ERC2: variants seen among roughly 807,000 people sequenced by gnomAD.
The protein encoded by ERC2 is ELKS/RAB6-interacting/CAST family member 2.
Under a neutral mutation model 114.8 loss-of-function variants are expected in ERC2, and 42 were observed. The observed-to-expected ratio is 0.37, with a 90% CI of 0.29 to 0.47. The LOEUF (loss-of-function observed/expected upper bound fraction) is 0.47. Ranked by LOEUF, ERC2 falls within the 20% of genes least tolerant of loss-of-function variation. The pLI is 0.99. For missense variants in ERC2, 939 were observed against 1,150.7 expected, an observed-to-expected ratio of 0.82 and a Z score of 2.66; for synonymous variants, 454 against 425.5, an observed-to-expected ratio of 1.07 and a Z score of -0.82.
intron 2 of ERC2, among the ~76,000 whole-genome samples, chr3:56,322,628 G>A (rs910724155): frequency 6.6e-6 from 1 of 152,192 alleles, no homozygotes; most frequent in Non-Finnish European, 1.5e-5. Context: ...TGATTCCTGA[G>A]ATGTAGAACG....
intron 14 of ERC2, among the ~76,000 whole-genome samples, chr3:55,781,970 G>A (rs550667851): frequency 6.6e-6 from 1 of 152,020 alleles, no homozygotes; most frequent in African/African-American, 2.4e-5. Context: ...TTAACTCCAC[G>A]TTGTTTCCCT....
chr3:56,103,003 A>G (rs565893384), intron 6 of ERC2, among the ~76,000 whole-genome samples: 1 of 152,314 alleles, frequency 6.6e-6, no homozygotes, highest in Non-Finnish European at 1.5e-5. Flanking sequence ...CTGGGTTAGC[A>G]GGAAGGACAA....
At chr3:56,286,733 A>G (rs1053803006) in intron 3 of ERC2, among the ~76,000 whole-genome samples, 1 of 152,058 alleles carries the variant, frequency 6.6e-6, no homozygotes, top group Non-Finnish European at 1.5e-5. Context: ...GTAATCATTT[A>G]AAAAGGTAAA....
chr3:55,801,242 T>A (rs9845696), intron 14 of ERC2, among the ~76,000 whole-genome samples: 8,214 of 152,242 alleles, frequency 0.054, 314 homozygotes, highest in African/African-American at 0.1. Flanking sequence ...AAGACGCCCA[T>A]AAACTGAGAG....
intron 3 of ERC2, among the ~76,000 whole-genome samples, chr3:56,233,913 C>A (rs891135156): frequency 6.5e-4 from 99 of 152,108 alleles, no homozygotes; most frequent in African/African-American, 2.1e-3. Context: ...TTTAAGGAAC[C>A]CTGTAATTAC....
intron 3 of ERC2, among the ~76,000 whole-genome samples, chr3:56,206,386 A>G (rs1258772588): frequency 2.0e-5 from 3 of 152,198 alleles, no homozygotes; most frequent in Non-Finnish European, 2.9e-5. Flanking sequence ...AAAACATTTC[A>G]TAAGTCAACA....
At chr3:55,913,364 C>G (rs1213641453) in intron 13 of ERC2, among the ~76,000 whole-genome samples, 1 of 151,970 alleles carries the variant, frequency 6.6e-6, no homozygotes, top group Non-Finnish European at 1.5e-5. Flanking sequence ...TAAATCATAT[C>G]TAAATATTTT....
intron 2 of ERC2, among the ~76,000 whole-genome samples, chr3:56,341,714 G>A (rs1487928515): frequency 6.6e-6 from 1 of 152,140 alleles, no homozygotes; most frequent in Non-Finnish European, 1.5e-5. Flanking sequence ...CAATTCCTGA[G>A]TCATTCATTC....
chr3:55,959,913 C>T (rs916192924), intron 12 of ERC2, among the ~76,000 whole-genome samples: 4 of 152,202 alleles, frequency 2.6e-5, no homozygotes, highest in African/African-American at 9.7e-5. Flanking sequence ...GTTCCTCTGC[C>T]ATCTGTGCCC....
At chr3:56,398,574 T>C (rs1008167023) in intron 2 of ERC2, among the ~76,000 whole-genome samples, 6 of 152,174 alleles carry the variant, frequency 3.9e-5, no homozygotes, top group Non-Finnish European at 7.3e-5. Context: ...ATATGTCATA[T>C]ATACACATAC....
At chr3:55,639,186 C>G (rs11712815) in intron 17 of ERC2, among the ~76,000 whole-genome samples, 1 of 152,152 alleles carries the variant, frequency 6.6e-6, no homozygotes, top group Non-Finnish European at 1.5e-5. Flanking sequence ...TGTCCAGAAT[C>G]TGATACTCAG....
intron 14 of ERC2, among the ~76,000 whole-genome samples, chr3:55,854,832 T>C (rs1575860926): frequency 1.3e-5 from 2 of 152,062 alleles, no homozygotes; most frequent in Admixed American, 1.3e-4. Context: ...GCCTGCATAC[T>C]GTAAACTGGG....
chr3:56,187,804 C>G lies in ERC2; in HGVS notation c.1075-14284G>C, dbSNP rs557417764. 1.2e-4 allele frequency among the ~76,000 whole-genome samples: 19 copies of G among 152,256 alleles called. No individual in the cohort carries two copies. In the East Asian group the frequency reaches 3.7e-3, roughly 29 times the overall value. On this transcript the variant is annotated intron_variant, in intron 3 of 17. Coordinates refer to ENST00000288221, the MANE Select transcript of ERC2 (RefSeq NM_015576.3). ...GGGAATTATAGGATCCATATGAGGT[C>G]TGCCTCCCAAACATGTAGTATAAAT...
chr3:56,334,591 T>G (rs925936839), intron 2 of ERC2, among the ~76,000 whole-genome samples: 2 of 152,176 alleles, frequency 1.3e-5, no homozygotes, highest in Non-Finnish European at 2.9e-5. Context: ...TAAGAAATAT[T>G]GCATAGGGAA....
intron 14 of ERC2, among the ~76,000 whole-genome samples, chr3:55,774,364 G>A (rs2068444906): frequency 6.6e-6 from 1 of 152,224 alleles, no homozygotes; most frequent in African/African-American, 2.4e-5. Context: ...AGACACTGGG[G>A]AAATGAACTT....
chr3:55,613,766 G>T (rs946266215), intron 17 of ERC2, among the ~76,000 whole-genome samples: 4 of 151,868 alleles, frequency 2.6e-5, no homozygotes, highest in Non-Finnish European at 5.9e-5. Context: ...ATCACCTGAG[G>T]GTCAGGAGTT....
At chr3:55,548,936 A>T (rs1353759361) in intron 17 of ERC2, among the ~76,000 whole-genome samples, 1 of 152,070 alleles carries the variant, frequency 6.6e-6, no homozygotes, top group African/African-American at 2.4e-5. Flanking sequence ...CAAAAGAGAA[A>T]CCCCAAACCT....
chr3:56,006,381 T>C (rs1277075090), intron 10 of ERC2, among the ~76,000 whole-genome samples: 1 of 152,084 alleles, frequency 6.6e-6, no homozygotes, highest in South Asian at 2.1e-4. Context: ...CATAGTCAAA[T>C]TGTATTATAT....
chr3:56,285,640 G>A (rs1239207648), intron 3 of ERC2, among the ~76,000 whole-genome samples: 1 of 152,198 alleles, frequency 6.6e-6, no homozygotes, highest in Non-Finnish European at 1.5e-5. Context: ...GGAACTGGCT[G>A]TCCTCCTGAC....
Sources: allele counts gnomAD v4.1 joint callset (sites outside exome capture counted in the v4.1 genomes callset), GRCh38; gene constraint gnomAD v4.1.1; transcripts MANE v1.5; gene names NCBI Gene and HGNC (gene_info 2026-07-23, HGNC 2026-07-21).